The following GCDH variants were observed in gnomAD, a reference collection of about 807,000 sequenced individuals.
The protein encoded by GCDH is glutaryl-CoA dehydrogenase.
GCDH carries 31 observed loss-of-function variants against 52.8 expected under a neutral mutation model. That is an observed-to-expected ratio of 0.59 (90% CI 0.44 to 0.79). GCDH has a LOEUF of 0.79. GCDH is among the 30% of genes least tolerant of loss of function. The probability of loss-of-function intolerance (pLI) is 0.00; values close to 1 mark genes in which losing one functional copy is unlikely to be tolerated. For missense variants in GCDH, 509 were observed against 595.0 expected (o/e 0.86, Z 1.50); for synonymous variants, 242 against 250.0 (o/e 0.97, Z 0.30).
At chr19:12,891,224 C>A in intron 1 of GCDH, 22 bp downstream of exon 1, 2 of 1,177,732 alleles carry the variant, frequency 1.7e-6, no homozygotes, top group Non-Finnish European at 2.5e-6. Context: ...GCGGTAGCCC[C>A]AGCCGTGGGT....
intron 5 of GCDH, among the ~76,000 whole-genome samples, chr19:12,892,848 C>T (rs1353064498): frequency 6.7e-6 from 1 of 148,872 alleles, no homozygotes; most frequent in Non-Finnish European, 1.5e-5. Flanking sequence ...CTCCTGATTA[C>T]AGGTGTGAGC....
chr19:12,899,806 T>C lies in GCDH; in HGVS notation c.*265T>C, dbSNP rs1195117582. 7 of 1,585,740 alleles carry C rather than the reference T, an allele frequency of 4.4e-6. No homozygotes were observed. The highest frequency in any genetic ancestry group is 4.3e-6 in the Non-Finnish European group (5 of 1,155,286). On this transcript the variant is annotated 3_prime_UTR_variant, in exon 12 of 12. Transcript: ENST00000222214. ...ACTCCATTTACCCTGAAATAGCAGC[T>C]TCTCTTGAGAGGAGAGTGACATGGA... is the stretch of plus-strand genomic sequence containing the variant.
At chr19:12,894,032 G>A (rs1482490416) in intron 6 of GCDH, 2 of 608,972 alleles carry the variant, frequency 3.3e-6, no homozygotes, top group Non-Finnish European at 5.8e-6. Context: ...GAGACCCCAT[G>A]TCTATTAGAA....
chr19:12,894,326 A>T (rs1197772700), intron 6 of GCDH: 1 of 786,766 alleles, frequency 1.3e-6, no homozygotes, highest in East Asian at 2.5e-5. Context: ...CCCTTGAAAC[A>T]GGGTGTCTTG....
In GCDH at chr19:12,897,750, A is replaced by G. The variant is rs1489903471; in HGVS notation, c.1130A>G (p.Lys377Arg). ...VSLLKRNNCG[K>R]ALDIARQARD... ...CTGCTGAAGAGGAATAACTGTGGGAAAGCCCTGGACATCGCCCGCCAGGCC... is the reference window on the plus strand; with the variant it reads ...CTGCTGAAGAGGAATAACTGTGGGAGAGCCCTGGACATCGCCCGCCAGGCC... Residue 377 changes from lysine to arginine, a missense_variant, in exon 11 of 12, where the codon AAA becomes AGA. By Grantham distance (26) the Lys-to-Arg change is conservative. Coordinates refer to ENST00000222214, the MANE Select transcript of GCDH (RefSeq NM_000159.4). 6.2e-7 allele frequency: 1 copy of G among 1,614,062 alleles called. No individual in the cohort carries two copies. The highest frequency in any genetic ancestry group is 1.7e-5 in the Admixed American group (1 of 60,010).
chr19:12,891,895 G>A lies in GCDH; in HGVS notation c.192G>A (p.Glu64=). 3 of 1,614,210 alleles carry A rather than the reference G, an allele frequency of 1.9e-6. No individual in the cohort carries two copies. The highest frequency in any genetic ancestry group is 1.1e-5 in the South Asian group (1 of 91,090). ...LVLEEQLTTD[E]ILIRDTFRTY... The stretch of plus-strand genomic sequence containing the variant: ...TGGAGGAGCAGCTGACCACAGATGA[G>A]ATCCTCATCAGGGACACCTTCCGCA... Residue 64 remains glutamate (E), a synonymous_variant, in exon 4 of 12, where the codon GAG becomes GAA. Transcript: ENST00000222214.
Position 12,896,314 on chromosome 19 carries a change from A to G in GCDH, c.745A>G (p.Arg249Gly), listed in dbSNP as rs750692764. The G allele has an allele frequency of 2.5e-6, 4 of 1,614,138 alleles. No homozygotes were observed. The highest frequency in any genetic ancestry group is 3.4e-6 in the Non-Finnish European group (4 of 1,180,000). Reference protein sequence around the residue: ...EKGMRGLSAPRIQGKFSLRAS... With the variant: ...EKGMRGLSAPGIQGKFSLRAS... ...GGGGATGCGGGGTCTCTCGGCCCCC[A>G]GGATCCAGGGCAAGTTCTCGCTGCG... The change falls in exon 8 of 12, where the codon AGG becomes GGG. Residue 249 changes from arginine (R) to glycine (G), a missense_variant. Arg to Gly is a moderately radical substitution (Grantham distance 125). Transcript: ENST00000222214. This position sits in a 1 kb window ranked among gnomAD's most constrained non-coding sequence, Gnocchi z 5.5.
Position 12,896,591 on chromosome 19 carries a change from C to T in GCDH, c.852+170C>T, listed in dbSNP as rs900423403. ...CTGAAAACTGCCCCCATTTGGTGAC[C>T]GTCTCGCTCATCCCGGCTCTGCCCG... On this transcript the variant is annotated intron_variant, in intron 8 of 11. Transcript: ENST00000222214. The surrounding 1 kb of genome is among the most constrained non-coding windows in gnomAD (Gnocchi z 5.5). Among the ~76,000 whole-genome samples, 1 of 152,174 alleles carries T rather than the reference C, an allele frequency of 6.6e-6. No homozygotes were observed. Among genetic ancestry groups the T allele is most frequent in the Non-Finnish European group, 1.5e-5 (1 of 68,030 alleles).
intron 11 of GCDH, 112 bp downstream of exon 11, chr19:12,897,975 G>A: frequency 1.1e-6 from 1 of 915,608 alleles, no homozygotes; most frequent in Non-Finnish European, 1.8e-6. Flanking sequence ...CTAAGTGACA[G>A]TGTGACCTGG....
rs954268878 is a variant in GCDH, at chr19:12,894,010, G to A, written c.505+357G>A. 7 of 586,864 alleles carry A rather than the reference G, an allele frequency of 1.2e-5. No individual in the cohort carries two copies. In the South Asian group the frequency reaches 1.4e-4, roughly 12 times the overall value. 36.4% of individuals were successfully genotyped at this position (586,864 alleles called of 1,614,324 possible). On this transcript the variant is annotated intron_variant, in intron 6 of 11. Coordinates refer to ENST00000222214, the MANE Select transcript of GCDH (RefSeq NM_000159.4). ...GAGCCCAAGAGTTCGAAACCAGCCTGGGCAACGTAAGGAGACCCCATGTCT... is the reference window on the plus strand; with the variant it reads ...GAGCCCAAGAGTTCGAAACCAGCCTAGGCAACGTAAGGAGACCCCATGTCT...
chr19:12,891,572 T>C, intron 3 of GCDH, 50 bp downstream of exon 3: 1 of 1,613,994 alleles, frequency 6.2e-7, no homozygotes, highest in Non-Finnish European at 8.5e-7. Context: ...TTCAGCTGTC[T>C]GTCTGCCGCA....
At chr19:12,897,959 C>T in intron 11 of GCDH, 96 bp downstream of exon 11, 1 of 1,037,764 alleles carries the variant, frequency 9.6e-7, no homozygotes, top group East Asian at 2.5e-5. Flanking sequence ...CCAACTCCAC[C>T]TATCACTAAG....
chr19:12,895,537 A>G (rs936065947), intron 6 of GCDH, among the ~76,000 whole-genome samples: 10 of 151,932 alleles, frequency 6.6e-5, no homozygotes, highest in African/African-American at 2.4e-4. Flanking sequence ...CTGAGATTAC[A>G]TGTGTGAGCC....
chr19:12,893,741 T>C (rs986752275), intron 6 of GCDH, 88 bp downstream of exon 6: 2 of 1,230,506 alleles, frequency 1.6e-6, no homozygotes, highest in African/African-American at 1.5e-5. Flanking sequence ...GAGCCTATTC[T>C]GTCCCTATCT....
In GCDH at chr19:12,897,244, C is replaced by T. The variant is rs933535896; in HGVS notation, c.957-59C>T. The T allele has an allele frequency of 4.3e-6, 7 of 1,609,578 alleles. No homozygotes were observed. The African/African-American group carries it at 9.4e-5, about 22-fold the overall frequency. On this transcript the variant is annotated intron_variant, in intron 9 of 11. Coordinates refer to ENST00000222214, the MANE Select transcript of GCDH (RefSeq NM_000159.4). ...CGTCCTGGAGCAGGGGGCCCCAGGACAGGGACGGGGTGGGAGAGTGGGCCT... is the reference window on the plus strand; with the variant it reads ...CGTCCTGGAGCAGGGGGCCCCAGGATAGGGACGGGGTGGGAGAGTGGGCCT...
rs375439660 is a variant in GCDH at position 12,896,438 on chromosome 19, T to G, written c.852+17T>G. 35 of 1,594,698 alleles carry G rather than the reference T, an allele frequency of 2.2e-5. No individual in the cohort carries two copies. The highest frequency in any genetic ancestry group is 2.7e-5 in the Non-Finnish European group (32 of 1,165,596). The stretch of plus-strand genomic sequence containing the variant: ...AGCCTGGGGGTAAGTGGCAGCCACT[T>G]TGGGAATGGGTGTTGGGTCACCTGC... On this transcript the variant is annotated intron_variant, in intron 8 of 11. Coordinates refer to ENST00000222214, the MANE Select transcript of GCDH (RefSeq NM_000159.4). The surrounding 1 kb of genome is among the most constrained non-coding windows in gnomAD (Gnocchi z 5.5).
At chr19:12,897,977 G>C (rs1970727206) in intron 11 of GCDH, 114 bp downstream of exon 11, 1 of 894,570 alleles carries the variant, frequency 1.1e-6, no homozygotes, top group Non-Finnish European at 1.8e-6. Context: ...AAGTGACAGT[G>C]TGACCTGGGG....
rs868023396 is a variant in GCDH at position 12,892,132 on chromosome 19, C to T, written c.288C>T (p.Ile96=). ...ANRNEVFHRE[I]ISEMGELGVL... is the part of the protein sequence containing the mutation. ...CCTTTGCAGTTTTTCATCGGGAGATCATTTCGGAGATGGGGGAGTTGGGTG... is the reference window on the plus strand; with the variant it reads ...CCTTTGCAGTTTTTCATCGGGAGATTATTTCGGAGATGGGGGAGTTGGGTG... The change falls in exon 5 of 12, where the codon ATC becomes ATT. Residue 96 remains isoleucine, a synonymous_variant. Transcript: ENST00000222214. The T allele has an allele frequency of 6.2e-7, 1 of 1,614,188 alleles. No individual in the cohort carries two copies. Among genetic ancestry groups the T allele is most frequent in the Non-Finnish European group, 8.5e-7 (1 of 1,180,028 alleles).
rs749753298 is a variant in GCDH, at chr19:12,899,963, C to T, written c.*422C>T. On this transcript the variant is annotated 3_prime_UTR_variant, in exon 12 of 12. Transcript: ENST00000222214. Reference sequence around the variant, plus strand: ...AGGGAGAGGAAAATAAAGACCTGCACATCTGACCCCAAGGTGTCAGGCCGG... The same window carrying T: ...AGGGAGAGGAAAATAAAGACCTGCATATCTGACCCCAAGGTGTCAGGCCGG... The T allele has an allele frequency of 1.2e-6, 2 of 1,612,180 alleles. No homozygotes were observed. The highest frequency in any genetic ancestry group is 2.2e-5 in the East Asian group (1 of 44,884).
Sources: gnomAD v4.1 joint callset for allele counts (sites outside exome capture counted in the v4.1 genomes callset) on GRCh38, gnomAD v4.1.1 for gene constraint, Gnocchi (gnomAD v3.1) non-coding constraint, MANE v1.5 for transcripts, NCBI Gene and HGNC (gene_info 2026-07-23, HGNC 2026-07-21) for gene names.